Variants in DGCR8 observed in about 807,000 individuals in gnomAD.
DGCR8 encodes DGCR8 microprocessor complex subunit.
In DGCR8, 14 loss-of-function variants were observed where a neutral mutation model predicts 78.5. That is an observed-to-expected ratio of 0.18 (90% CI 0.12 to 0.28). The LOEUF (loss-of-function observed/expected upper bound fraction) is 0.28, where lower values mean the gene tolerates loss of function less well. Among genes scored for constraint, DGCR8 ranks in the 10% least tolerant of loss-of-function variants. The pLI, the probability that DGCR8 is intolerant of heterozygous loss-of-function variation, is 1.00. For synonymous variants in DGCR8, 399 were observed against 402.4 expected (o/e 0.99, Z 0.10); for missense variants, 702 against 1,022.5 (o/e 0.69, Z 4.28).
At chr22:20,093,297 C>T (rs980832617) in intron 8 of DGCR8, among the ~76,000 whole-genome samples, 7 of 151,816 alleles carry the variant, frequency 4.6e-5, no homozygotes, top group African/African-American at 1.7e-4. Flanking sequence ...CTCAGCTACT[C>T]GGGAGGCTGA....
chr22:20,093,906 G>C (rs369079443), intron 8 of DGCR8, among the ~76,000 whole-genome samples: 1 of 152,190 alleles, frequency 6.6e-6, no homozygotes, highest in Non-Finnish European at 1.5e-5. Flanking sequence ...GTTGATTCTC[G>C]AGGTATCTGT....
At chr22:20,096,891 A>G (rs2049634716) in intron 9 of DGCR8, among the ~76,000 whole-genome samples, 1 of 151,674 alleles carries the variant, frequency 6.6e-6, no homozygotes, top group African/African-American at 2.4e-5. Flanking sequence ...ATGATGTTAG[A>G]TTTTGTCAAA....
rs909422976 is a variant in DGCR8 at position 20,109,944 on chromosome 22, G to T, written c.2239-81G>T. On this transcript the variant is annotated intron_variant, in intron 13 of 13. Coordinates refer to ENST00000351989, the MANE Select transcript of DGCR8 (RefSeq NM_022720.7). ...CAGGGCCTCCTGGCATGATCTGCTG[G>T]GCTCTCCCTCCACCTTGTGTCTTCC... 4.4e-6 allele frequency: 6 copies of T among 1,371,614 alleles called. No individual in the cohort carries two copies. The South Asian group carries it at 4.7e-5, about 11-fold the overall frequency. 85.0% of individuals were successfully genotyped at this position (1,371,614 alleles called of 1,614,324 possible).
rs201768284 is a variant in DGCR8, at chr22:20,111,713, CCCCCCCCCCA to C, written c.*1609_*1618del. 1.2e-3 allele frequency: 216 copies of C among 174,590 alleles called. 12 individuals carry two copies. The highest frequency in any genetic ancestry group is 1.9e-3 in the Non-Finnish European group (171 of 91,746). The allele number at this position is 174,590 out of a possible 1,614,324, so 10.8% of individuals were successfully genotyped here. A position where few individuals can be genotyped will look rare whatever the true frequency, so the allele number is the denominator to read the frequency against. On this transcript the variant is annotated 3_prime_UTR_variant, in exon 14 of 14. Coordinates refer to ENST00000351989, the MANE Select transcript of DGCR8 (RefSeq NM_022720.7). ...CTCTTGTGGTCTCTGTGCGCCCCCC[CCCCCCCCCCA>C]CCCGTCTGCCAAGCATGGGTATGAA...
chr22:20,089,858 C>T lies in DGCR8; in HGVS notation c.1023+47C>T, dbSNP rs766482992. 1 of 1,607,666 alleles carries T rather than the reference C, an allele frequency of 6.2e-7. No individual in the cohort carries two copies. Among genetic ancestry groups the T allele is most frequent in the Non-Finnish European group, 8.5e-7 (1 of 1,176,102 alleles). On this transcript the variant is annotated intron_variant, in intron 4 of 13. Coordinates refer to ENST00000351989, the MANE Select transcript of DGCR8 (RefSeq NM_022720.7). The surrounding 1 kb of genome is among the most constrained non-coding windows in gnomAD (Gnocchi z 4.9). The stretch of plus-strand genomic sequence containing the variant: ...ACTTTAGGCTTGTAAGTTCTCAGAC[C>T]AAAACGTGCACATCCACACACATGG...
chr22:20,087,159 C>T lies in DGCR8; in HGVS notation c.721-3C>T. On this transcript the variant is annotated splice_region_variant and splice_polypyrimidine_tract_variant and intron_variant, in intron 2 of 13. Transcript: ENST00000351989. The surrounding 1 kb of genome is among the most constrained non-coding windows in gnomAD (Gnocchi z 4.1). Reference sequence around the variant, plus strand: ...TCTGGTGTCTGAACAGCGTGTTTTGCAGGATGACTTTGACAACGATGTGGA... The same window carrying T: ...TCTGGTGTCTGAACAGCGTGTTTTGTAGGATGACTTTGACAACGATGTGGA... 6.2e-7 allele frequency: 1 copy of T among 1,606,642 alleles called. No homozygotes were observed. The highest frequency in any genetic ancestry group is 2.2e-5 in the East Asian group (1 of 44,744).
At chr22:20,109,325 A>T in intron 13 of DGCR8, 1 of 311,978 alleles carries the variant, frequency 3.2e-6, no homozygotes, top group East Asian at 8.1e-5. Flanking sequence ...CCAGGGTTGA[A>T]TCTGTAGGGC....
In DGCR8 at chr22:20,107,331, C is replaced by T. The variant is rs1261729069; in HGVS notation, c.2057C>T (p.Pro686Leu). 6.2e-7 allele frequency: 1 copy of T among 1,614,188 alleles called. No individual in the cohort carries two copies. The highest frequency in any genetic ancestry group is 1.1e-5 in the South Asian group (1 of 91,088). Reference sequence around the variant, plus strand: ...CAGAAGATCCTTCAGCTGCTGCACCCACATGTCAAGAACTGGGGGTCTTTA... The same window carrying T: ...CAGAAGATCCTTCAGCTGCTGCACCTACATGTCAAGAACTGGGGGTCTTTA... ...ASQKILQLLH[P>L]HVKNWGSLLR... is the part of the protein sequence containing the mutation. Residue 686 changes from proline to leucine, a missense_variant, in exon 12 of 14, where the codon CCA becomes CTA. Physicochemically the swap from Pro to Leu is moderately conservative, Grantham distance 98. Transcript: ENST00000351989.
intron 9 of DGCR8, among the ~76,000 whole-genome samples, chr22:20,097,815 CTTT>C (rs695417): frequency 1.2e-3 from 159 of 136,650 alleles, no homozygotes; most frequent in Middle Eastern, 3.7e-3. Context: ...TACTTTAATT[CTTT>C]TTTTTTTTTT....
At chr22:20,101,778 G>T (rs557233362) in intron 9 of DGCR8, 2 of 985,340 alleles carry the variant, frequency 2.0e-6, no homozygotes, top group South Asian at 9.4e-5. Flanking sequence ...GCTCCTCCCA[G>T]CTGCCTGTGC....
intron 9 of DGCR8, chr22:20,101,163 A>G: frequency 3.1e-6 from 3 of 976,412 alleles, no homozygotes; most frequent in South Asian, 4.7e-5. Context: ...CAGGGTTTTA[A>G]GAACTCTGTT....
intron 9 of DGCR8, chr22:20,101,155 G>C (rs2049695985): frequency 3.1e-6 from 3 of 967,724 alleles, no homozygotes; most frequent in African/African-American, 1.8e-5. Flanking sequence ...GAAATCCTCA[G>C]GGTTTTAAGA....
Position 20,089,141 on chromosome 22 carries a change from C to T in DGCR8, c.881-528C>T, listed in dbSNP as rs557488869. 1.2e-4 allele frequency among the ~76,000 whole-genome samples: 19 copies of T among 152,326 alleles called. No individual in the cohort carries two copies. Among genetic ancestry groups the T allele is most frequent in the Non-Finnish European group, 2.2e-4 (15 of 68,028 alleles). On this transcript the variant is annotated intron_variant, in intron 3 of 13. Coordinates refer to ENST00000351989, the MANE Select transcript of DGCR8 (RefSeq NM_022720.7). This position sits in a 1 kb window ranked among gnomAD's most constrained non-coding sequence, Gnocchi z 4.9. ...GTCGTAAACCTCTTCCTCACAACTG[C>T]CTATAAAGCAAAGAAGGGGTTGGGA...
rs1420297631 is a variant in DGCR8 at position 20,085,248 on chromosome 22, C to T, written c.-277-439C>T. On this transcript the variant is annotated intron_variant, in intron 1 of 13. Transcript: ENST00000351989. This position sits in a 1 kb window ranked among gnomAD's most constrained non-coding sequence, Gnocchi z 6.2. ...GTTGAGCTGAGGGTCTCGCGCTCGC[C>T]CTCTGACTGACCCAGCCCTTGCAGG... Among the ~76,000 whole-genome samples, 1 of 152,184 alleles carries T rather than the reference C, an allele frequency of 6.6e-6. No individual in the cohort carries two copies. The highest frequency in any genetic ancestry group is 1.9e-4 in the East Asian group (1 of 5,192).
chr22:20,111,625 A>G lies in DGCR8; in HGVS notation c.*1517A>G. 5.6e-6 allele frequency: 2 copies of G among 357,898 alleles called. No individual in the cohort carries two copies. The highest frequency in any genetic ancestry group is 1.0e-5 in the Non-Finnish European group (2 of 200,610). 22.2% of individuals were successfully genotyped at this position (357,898 alleles called of 1,614,324 possible). On this transcript the variant is annotated 3_prime_UTR_variant, in exon 14 of 14. Transcript: ENST00000351989. ...AGCTTCGTGCACATGTGTTCCCCTAAAGGTTGGGGAGCCTCGCTGTGTCTT... is the reference window on the plus strand; with the variant it reads ...AGCTTCGTGCACATGTGTTCCCCTAGAGGTTGGGGAGCCTCGCTGTGTCTT...
rs2049499709 is a variant in DGCR8 at position 20,087,411 on chromosome 22, G to A, written c.880+90G>A. 5 of 1,442,874 alleles carry A rather than the reference G, an allele frequency of 3.5e-6. No homozygotes were observed. The highest frequency in any genetic ancestry group is 2.3e-5 in the Admixed American group (1 of 43,844). 89.4% of individuals were successfully genotyped at this position (1,442,874 alleles called of 1,614,324 possible). The stretch of plus-strand genomic sequence containing the variant: ...AGAAATGCTTTGAGAGAGCTCTGGT[G>A]CCAGGTAGTGGGCTGGGTGGAGGCA... On this transcript the variant is annotated intron_variant, in intron 3 of 13. Transcript: ENST00000351989. This position sits in a 1 kb window ranked among gnomAD's most constrained non-coding sequence, Gnocchi z 4.1.
chr22:20,089,566 A>T lies in DGCR8; in HGVS notation c.881-103A>T. 1 of 1,303,822 alleles carries T rather than the reference A, an allele frequency of 7.7e-7. No individual in the cohort carries two copies. The highest frequency in any genetic ancestry group is 1.1e-6 in the Non-Finnish European group (1 of 926,478). 80.8% of individuals were successfully genotyped at this position (1,303,822 alleles called of 1,614,324 possible). On this transcript the variant is annotated intron_variant, in intron 3 of 13. Coordinates refer to ENST00000351989, the MANE Select transcript of DGCR8 (RefSeq NM_022720.7). This position sits in a 1 kb window ranked among gnomAD's most constrained non-coding sequence, Gnocchi z 4.9. ...TTCGATTATCTGTGAAGACCCAGTT[A>T]AACACATGCTAGTACCCAACAATTT...
intron 9 of DGCR8, among the ~76,000 whole-genome samples, chr22:20,098,071 G>A (rs1352053622): frequency 4.7e-5 from 7 of 149,328 alleles, no homozygotes; most frequent in Non-Finnish European, 1.0e-4. Flanking sequence ...AGGTTGCAGT[G>A]AGCTGATACT....
chr22:20,084,365 G>A (rs1328488068), intron 1 of DGCR8, among the ~76,000 whole-genome samples: 1 of 152,220 alleles, frequency 6.6e-6, no homozygotes, highest in Non-Finnish European at 1.5e-5. Context: ...CGTTGTGGGA[G>A]TGTGCATGTG....
Sources: allele counts gnomAD v4.1 joint callset (sites outside exome capture counted in the v4.1 genomes callset), GRCh38; gene constraint gnomAD v4.1.1; non-coding constraint Gnocchi (gnomAD v3.1); transcripts MANE v1.5; gene names NCBI Gene and HGNC (gene_info 2026-07-23, HGNC 2026-07-21).